Variants in DIO2 observed in about 807,000 individuals in gnomAD.
DIO2 encodes iodothyronine deiodinase 2.
A neutral mutation model predicts 21.4 loss-of-function variants in DIO2; 19 were observed. The ratio of observed to expected loss-of-function variants is 0.89; its 90% CI spans 0.62 to 1.30. The LOEUF (loss-of-function observed/expected upper bound fraction) is 1.30. Ranked by LOEUF, DIO2 falls within the 50% of genes most tolerant of loss-of-function variation. DIO2 has a pLI of 0.00. For missense variants in DIO2, 302 were observed against 338.1 expected, an observed-to-expected ratio of 0.89 and a Z score of 0.84; for synonymous variants, 122 against 132.9, an observed-to-expected ratio of 0.92 and a Z score of 0.57.
At position 80,202,683 on chromosome 14, in the gene DIO2, A is replaced by G; in HGVS notation, c.*6T>C. 6.2e-7 allele frequency: 1 copy of G among 1,604,068 alleles called. No homozygotes were observed. The highest frequency in any genetic ancestry group is 1.3e-5 in the African/African-American group (1 of 74,806). On this transcript the variant is annotated 3_prime_UTR_variant, in exon 2 of 2. Transcript: ENST00000438257. ...TAAAACAATAAGCTCTCTTATAATC[A>G]TACCTTTAACCAGCTAATCTAGTTT...
chr14:80,229,069 C>G (rs1290513255), intron 2 of DIO2, among the ~76,000 whole-genome samples: 1 of 152,154 alleles, frequency 6.6e-6, no homozygotes, highest in East Asian at 1.9e-4. Context: ...AGTACTGGGT[C>G]TGTAAACTGG....
rs761956184 is a variant in DIO2 at position 80,203,156 on chromosome 14, T to G, written c.355A>C (p.Ser119Arg). The G allele has an allele frequency of 6.2e-6, 10 of 1,612,754 alleles. No homozygotes were observed. The South Asian group carries it at 1.1e-4, about 18-fold the overall frequency. ...TTGACCACTAGTGGGCGCTCAGGGC[T>G]GGCAAAGTCAAGAAGGTGGCATGTG... ...GATCHLLDFA[S>R]PERPLVVNFG... Residue 119 changes from serine to arginine, a missense_variant, in exon 2 of 2, where the codon AGC becomes CGC. By Grantham distance (110) the Ser-to-Arg change is moderately radical. Transcript: ENST00000438257.
intron 2 of DIO2, among the ~76,000 whole-genome samples, chr14:80,226,115 G>A (rs930401968): frequency 4.6e-5 from 7 of 152,088 alleles, no homozygotes; most frequent in East Asian, 1.9e-4. Context: ...CATGAATCTC[G>A]GCCATGTGAG....
rs904960770 is a variant in DIO2 at position 80,201,955 on chromosome 14, A to G, written c.*734T>C. ...TACAGCTTAAGGGTGAAACTCTGTGAATTTTCCAAATCTTTCTGCCTCCTC... is the reference window on the plus strand; with the variant it reads ...TACAGCTTAAGGGTGAAACTCTGTGGATTTTCCAAATCTTTCTGCCTCCTC... On this transcript the variant is annotated 3_prime_UTR_variant, in exon 2 of 2. Transcript: ENST00000438257. The G allele has an allele frequency of 5.8e-6, 1 of 173,422 alleles. No homozygotes were observed. The highest frequency in any genetic ancestry group is 2.4e-5 in the African/African-American group (1 of 41,626). The allele number at this position is 173,422 out of a possible 1,614,324, so 10.7% of individuals were successfully genotyped here. A position where few individuals can be genotyped will look rare whatever the true frequency, so the allele number is the denominator to read the frequency against.
chr14:80,209,081 C>T lies in DIO2; in HGVS notation c.222+2170G>A, dbSNP rs193087116. Among the ~76,000 whole-genome samples the T allele has an allele frequency of 3.9e-5, 6 of 152,112 alleles. No homozygotes were observed. In the East Asian group the frequency reaches 1.2e-3, roughly 29 times the overall value. ...CAAATCACTCATCCTTCCCAATTTC[C>T]TAGAATAGGAATAACAACATATTGC... is the stretch of plus-strand genomic sequence containing the variant. On this transcript the variant is annotated intron_variant, in intron 1 of 1. Transcript: ENST00000438257.
chr14:80,205,645 T>C (rs772484692), intron 1 of DIO2: 1 of 1,332,928 alleles, frequency 7.5e-7, no homozygotes, highest in Non-Finnish European at 9.8e-7. Context: ...TTCTCCTTCT[T>C]AGAAACAATG....
rs1887543233 is a variant in DIO2 at position 80,197,870 on chromosome 14, C to T, written c.*4819G>A. On this transcript the variant is annotated 3_prime_UTR_variant, in exon 2 of 2. Coordinates refer to ENST00000438257, the MANE Select transcript of DIO2 (RefSeq NM_013989.5). ...GTCAACTCTGCACATCTCTGTCTCC[C>T]TCTTCGGGCGCCCGATTACTTGGGC... The T allele has an allele frequency of 6.6e-6, 1 of 152,670 alleles. No homozygotes were observed. Among genetic ancestry groups the T allele is most frequent in the African/African-American group, 2.4e-5 (1 of 41,448 alleles). The allele number at this position is 152,670 out of a possible 1,614,324, so 9.5% of individuals were successfully genotyped here.
At chr14:80,225,750 T>C (rs1888563076) in intron 2 of DIO2, among the ~76,000 whole-genome samples, 1 of 152,204 alleles carries the variant, frequency 6.6e-6, no homozygotes, top group African/African-American at 2.4e-5. Context: ...ATTGGGCTGT[T>C]ATAGTTTCCC....
rs554894918 is a variant in DIO2 at position 80,209,346 on chromosome 14, A to G, written c.222+1905T>C. ...TATGTATATAAGTAAAATTCTTCCA[A>G]TAAGTTTTTTTTTTTTTACTTTATA... is the stretch of plus-strand genomic sequence containing the variant. On this transcript the variant is annotated intron_variant, in intron 1 of 1. Coordinates refer to ENST00000438257, the MANE Select transcript of DIO2 (RefSeq NM_013989.5). 2.0e-5 allele frequency among the ~76,000 whole-genome samples: 3 copies of G among 151,784 alleles called. No individual in the cohort carries two copies. In the East Asian group the frequency reaches 6.1e-4, roughly 31 times the overall value.
At chr14:80,215,482 T>C (rs1888329015), upstream of DIO2, among the ~76,000 whole-genome samples, 1 of 152,182 alleles carries the variant, frequency 6.6e-6, no homozygotes, top group African/African-American at 2.4e-5. Context: ...CTTATTCTTA[T>C]TTGAAAGAGC....
At chr14:80,203,470 A>G (rs1047479464) in intron 1 of DIO2, among the ~76,000 whole-genome samples, 182 bp from the exon 2 acceptor site, 14 of 152,230 alleles carry the variant, frequency 9.2e-5, no homozygotes, top group African/African-American at 3.4e-4. Context: ...CAGGTAATGT[A>G]AAGAATGGCC....
intron 2 of DIO2, chr14:80,230,863 C>G (rs1303331379): frequency 2.0e-5 from 3 of 152,164 alleles, no homozygotes; most frequent in Non-Finnish European, 4.4e-5. Context: ...AGGGACAGAA[C>G]TAATAGGATA....
Position 80,211,441 on chromosome 14 carries a change from G to C in DIO2, c.32C>G (p.Thr11Arg), listed in dbSNP as rs1255140404. ...GAAAAAAACTGGCAGAATTTGCAGT[G>C]TGATCAGCAAGTCTACGCTGAGGAT... Reference protein sequence around the residue: MGILSVDLLITLQILPVFFSN... With the variant: MGILSVDLLIRLQILPVFFSN... The change falls in exon 1 of 2, where the codon ACA becomes AGA. Residue 11 changes from threonine (T) to arginine (R), a missense_variant. Transcript: ENST00000438257. 2.5e-6 allele frequency: 4 copies of C among 1,611,894 alleles called. No homozygotes were observed. The African/African-American group carries it at 5.4e-5, about 22-fold the overall frequency.
chr14:80,223,206 T>C (rs1484320252), intron 2 of DIO2, among the ~76,000 whole-genome samples: 1 of 152,144 alleles, frequency 6.6e-6, no homozygotes, highest in Non-Finnish European at 1.5e-5. Flanking sequence ...TTTATTTTTT[T>C]AATTGTATCA....
chr14:80,202,955 G>C lies in DIO2; in HGVS notation c.556C>G (p.Gln186Glu). 1 of 1,613,950 alleles carries C rather than the reference G, an allele frequency of 6.2e-7. No individual in the cohort carries two copies. The highest frequency in any genetic ancestry group is 8.5e-7 in the Non-Finnish European group (1 of 1,179,888). Residue 186 changes from glutamine to glutamate, a missense_variant, in exon 2 of 2, where the codon CAG becomes GAG. Gln to Glu is a conservative substitution (Grantham distance 29, BLOSUM62 2). Coordinates refer to ENST00000438257, the MANE Select transcript of DIO2 (RefSeq NM_013989.5). ...SSLSFEVKKH[Q>E]NQEDRCAAAQ... ...GCTGCACATCGATCTTCCTGGTTCT[G>C]GTGCTTCTTCACCTCAAAAGACAAA...
upstream of DIO2, chr14:80,216,046 C>G (rs527717966): frequency 1.1e-4 from 17 of 152,278 alleles, no homozygotes; most frequent in Non-Finnish European, 2.4e-4. Flanking sequence ...CCCAGCAGCC[C>G]TCTCCGTAGG....
chr14:80,215,354 G>A (rs530649472), upstream of DIO2, among the ~76,000 whole-genome samples: 5 of 152,272 alleles, frequency 3.3e-5, no homozygotes, highest in Non-Finnish European at 5.9e-5. Flanking sequence ...AAGCATATGA[G>A]TCACAAGACT....
rs1887662140 is a variant in DIO2, at chr14:80,200,251, T to C, written c.*2438A>G. The C allele has an allele frequency of 6.6e-6, 1 of 152,664 alleles. No individual in the cohort carries two copies. The highest frequency in any genetic ancestry group is 6.6e-5 in the Admixed American group (1 of 15,266). 9.5% of individuals were successfully genotyped at this position (152,664 alleles called of 1,614,324 possible). On this transcript the variant is annotated 3_prime_UTR_variant, in exon 2 of 2. Coordinates refer to ENST00000438257, the MANE Select transcript of DIO2 (RefSeq NM_013989.5). Reference sequence around the variant, plus strand: ...TTCTATTGAACATCTTCCTCCCTGATAGCCCATGTCTTTCTATGTTTCCTT... The same window carrying C: ...TTCTATTGAACATCTTCCTCCCTGACAGCCCATGTCTTTCTATGTTTCCTT...
intron 2 of DIO2, among the ~76,000 whole-genome samples, chr14:80,217,474 T>A (rs1194331401): frequency 6.6e-6 from 1 of 152,174 alleles, no homozygotes; most frequent in Non-Finnish European, 1.5e-5. Flanking sequence ...TCAGATTAAG[T>A]GAATCCTTAT....
Sources: allele counts gnomAD v4.1 joint callset (sites outside exome capture counted in the v4.1 genomes callset), GRCh38; gene constraint gnomAD v4.1.1; transcripts MANE v1.5; gene names NCBI Gene and HGNC (gene_info 2026-07-23, HGNC 2026-07-21).